PSPH: variants seen among roughly 807,000 people sequenced by gnomAD.
The protein encoded by PSPH is phosphoserine phosphatase, also known as L-3-phosphoserine phosphatase.
Under a neutral mutation model 23.4 loss-of-function variants are expected in PSPH, and 16 were observed. The observed-to-expected ratio is 0.68, with a 90% CI of 0.46 to 1.04. PSPH has a LOEUF of 1.04. PSPH is among the 50% of genes least tolerant of loss of function. The pLI is 0.00. For synonymous variants in PSPH, 68 were observed against 99.7 expected (o/e 0.68, Z 1.89); for missense variants, 223 against 273.7 (o/e 0.81, Z 1.31).
chr7:56,021,380 T>G, intron 3 of PSPH, 149 bp from the exon 4 acceptor site: 1 of 739,782 alleles, frequency 1.4e-6, no homozygotes, highest in South Asian at 1.8e-5. Context: ...TTCCTTTTCT[T>G]TTTGTTTACT....
At chr7:56,027,530 C>T (rs1048523469) in intron 3 of PSPH, among the ~76,000 whole-genome samples, 1 of 149,912 alleles carries the variant, frequency 6.7e-6, no homozygotes. Flanking sequence ...TCGAGACCAC[C>T]CTGGCCAAAA....
chr7:56,031,231 A>C (rs1209904577), intron 3 of PSPH, among the ~76,000 whole-genome samples: 8 of 151,234 alleles, frequency 5.3e-5, no homozygotes, highest in African/African-American at 1.9e-4. Flanking sequence ...AAAAAAAAAA[A>C]CAAACAAAAC....
intron 5 of PSPH, among the ~76,000 whole-genome samples, chr7:56,017,924 T>C (rs1788799883): frequency 6.6e-6 from 1 of 151,954 alleles, no homozygotes. Flanking sequence ...GGTTTCACCA[T>C]GTTGGCCAGG....
intron 6 of PSPH, among the ~76,000 whole-genome samples, chr7:56,015,634 T>C (rs1788459451): frequency 1.3e-5 from 2 of 152,130 alleles, no homozygotes; most frequent in African/African-American, 4.8e-5. Context: ...CAGAACACCA[T>C]AAAATAGTAG....
chr7:56,028,246 A>G (rs763373614), intron 3 of PSPH, among the ~76,000 whole-genome samples: 12 of 152,010 alleles, frequency 7.9e-5, no homozygotes, highest in Non-Finnish European at 1.5e-4. Flanking sequence ...TTTTTTAGAG[A>G]CAAGGTCTCA....
intron 5 of PSPH, among the ~76,000 whole-genome samples, chr7:56,018,084 G>A (rs1055698603): frequency 6.6e-6 from 1 of 151,712 alleles, no homozygotes; most frequent in African/African-American, 2.4e-5. Context: ...GGTGGCTCAC[G>A]CCTGTAATCC....
At position 56,017,393 on chromosome 7, in the gene PSPH, T is replaced by C. The variant is rs769475589; in HGVS notation, c.276-14A>G. ...CTTACCAGCTCCCTGCAAAATAAAA[T>C]ACAAAATACCCAACACTGAGTAATA... On this transcript the variant is annotated splice_polypyrimidine_tract_variant and intron_variant, in intron 5 of 7. Coordinates refer to ENST00000275605, the MANE Select transcript of PSPH (RefSeq NM_004577.4). 5.9e-5 allele frequency: 68 copies of C among 1,159,460 alleles called. No homozygotes were observed. Among genetic ancestry groups the C allele is most frequent in the Middle Eastern group, 4.9e-4 (2 of 4,062 alleles). 71.8% of individuals were successfully genotyped at this position (1,159,460 alleles called of 1,614,324 possible). A position where few individuals can be genotyped will look rare whatever the true frequency, so the allele number is the denominator to read the frequency against.
chr7:56,047,103 G>T (rs1448789660), intron 1 of PSPH, among the ~76,000 whole-genome samples: 1 of 152,082 alleles, frequency 6.6e-6, no homozygotes, highest in African/African-American at 2.4e-5. Flanking sequence ...TTATTGATGG[G>T]CTGGGTACAG....
intron 3 of PSPH, among the ~76,000 whole-genome samples, chr7:56,027,631 G>A (rs1379326087): frequency 6.8e-6 from 1 of 146,792 alleles, no homozygotes; most frequent in African/African-American, 2.5e-5. Flanking sequence ...AGTTTGCAGT[G>A]AGCCGAGATC....
At chr7:56,045,987 C>CATCAG (rs1196824733) in intron 1 of PSPH, among the ~76,000 whole-genome samples, 2 of 151,734 alleles carry the variant, frequency 1.3e-5, no homozygotes, top group Non-Finnish European at 2.9e-5. Context: ...AGGATATTTG[C>CATCAG]ATCAGTTCCC....
At chr7:56,039,844 A>G (rs1323334577) in intron 1 of PSPH, among the ~76,000 whole-genome samples, 1 of 151,416 alleles carries the variant, frequency 6.6e-6, no homozygotes, top group Non-Finnish European at 1.5e-5. Context: ...CACGCCTGTA[A>G]TCCCAGCACT....
At chr7:56,030,158 G>A (rs922995197) in intron 3 of PSPH, among the ~76,000 whole-genome samples, 4 of 151,960 alleles carry the variant, frequency 2.6e-5, no homozygotes, top group Non-Finnish European at 5.9e-5. Context: ...CACTCAGGCC[G>A]GAGTGCAGTG....
At chr7:56,046,978 A>G (rs1424324567) in intron 1 of PSPH, among the ~76,000 whole-genome samples, 1 of 152,126 alleles carries the variant, frequency 6.6e-6, no homozygotes, top group Non-Finnish European at 1.5e-5. Flanking sequence ...CCCCAGATAA[A>G]GAGCATTCTT....
intron 3 of PSPH, among the ~76,000 whole-genome samples, chr7:56,030,965 AC>A (rs1403371596): frequency 6.6e-6 from 1 of 151,526 alleles, no homozygotes; most frequent in East Asian, 1.9e-4. Flanking sequence ...TAATCCCAGC[AC>A]TTTGGGAGGC....
At chr7:56,013,914 G>A (rs2116488251) in intron 7 of PSPH, among the ~76,000 whole-genome samples, 1 of 152,212 alleles carries the variant, frequency 6.6e-6, no homozygotes, top group African/African-American at 2.4e-5. Context: ...GATCGCTTGA[G>A]CTCAGGAATT....
intron 4 of PSPH, 60 bp from the exon 5 acceptor site, chr7:56,019,794 C>T (rs1432904943): frequency 6.2e-7 from 1 of 1,602,708 alleles, no homozygotes; most frequent in Non-Finnish European, 8.5e-7. Flanking sequence ...GTTAACATGC[C>T]TTACTGCCCC....
chr7:56,029,773 G>A (rs962781359), intron 3 of PSPH, among the ~76,000 whole-genome samples: 1 of 152,098 alleles, frequency 6.6e-6, no homozygotes, highest in African/African-American at 2.4e-5. Flanking sequence ...TGAAGGTCAT[G>A]CATAGTTGCG....
intron 1 of PSPH, among the ~76,000 whole-genome samples, chr7:56,048,291 A>G (rs1584523969): frequency 3.6e-5 from 1 of 27,726 alleles, no homozygotes; most frequent in South Asian, 1.1e-3. Flanking sequence ...AAAAAATTTG[A>G]AAAAAAAAAA....
At chr7:56,020,773 A>T (rs569084838) in intron 4 of PSPH, among the ~76,000 whole-genome samples, 1 of 152,286 alleles carries the variant, frequency 6.6e-6, no homozygotes, top group South Asian at 2.1e-4. Context: ...CCAGGGAACC[A>T]CTAAGGTCAC....
Sources: allele counts gnomAD v4.1 joint callset (sites outside exome capture counted in the v4.1 genomes callset), GRCh38; gene constraint gnomAD v4.1.1; transcripts MANE v1.5; gene names NCBI Gene and HGNC (gene_info 2026-07-23, HGNC 2026-07-21).